The following MED13L variants were observed in gnomAD, a reference collection of about 807,000 sequenced individuals.
MED13L encodes the protein mediator of RNA polymerase II transcription subunit 13-like.
MED13L carries 7 observed loss-of-function variants against 220.9 expected under a neutral mutation model. That is an observed-to-expected ratio of 0.03 (90% CI 0.02 to 0.06). MED13L has a LOEUF of 0.06. Among genes scored for constraint, MED13L ranks in the 10% least tolerant of loss-of-function variants. The pLI is 1.00. For synonymous variants in MED13L, 1,011 were observed against 1,015.2 expected (o/e 1.00, Z 0.08); for missense variants, 1,965 against 2,760.5 (o/e 0.71, Z 6.46).
intron 1 of MED13L, among the ~76,000 whole-genome samples, chr12:116,259,680 TTATC>T (rs2138551999): frequency 6.6e-6 from 1 of 152,258 alleles, no homozygotes; most frequent in Non-Finnish European, 1.5e-5. Context: ...CATGCTCTGT[TTATC>T]TATTCAATAT....
intron 1 of MED13L, among the ~76,000 whole-genome samples, chr12:116,275,655 AT>A (rs1873755999): frequency 6.6e-6 from 1 of 152,204 alleles, no homozygotes; most frequent in Non-Finnish European, 1.5e-5. Flanking sequence ...GTAAACAAGG[AT>A]TAAGAGGGAA....
At chr12:116,124,099 C>T (rs895012050) in intron 2 of MED13L, among the ~76,000 whole-genome samples, 3 of 125,388 alleles carry the variant, frequency 2.4e-5, no homozygotes, top group Non-Finnish European at 5.3e-5. Context: ...GCAAAAATAA[C>T]ATCTGCAGAG....
intron 2 of MED13L, among the ~76,000 whole-genome samples, chr12:116,152,401 G>A (rs946257239): frequency 6.6e-6 from 1 of 152,018 alleles, no homozygotes; most frequent in East Asian, 1.9e-4. Flanking sequence ...TTGGACATAC[G>A]TGATTAAAGC....
chr12:116,233,304 C>T (rs952011830), intron 2 of MED13L, among the ~76,000 whole-genome samples: 3 of 152,058 alleles, frequency 2.0e-5, no homozygotes, highest in Non-Finnish European at 4.4e-5. Context: ...GTATCCTGAA[C>T]AGAATATTTA....
chr12:116,012,342 T>G (rs1879461113), intron 9 of MED13L, among the ~76,000 whole-genome samples: 1 of 152,210 alleles, frequency 6.6e-6, no homozygotes, highest in South Asian at 2.1e-4. Context: ...CTGCAACAGT[T>G]TTAGCTTTTA....
At chr12:116,039,094 CAT>C (rs1881372048) in intron 4 of MED13L, among the ~76,000 whole-genome samples, 2 of 152,180 alleles carry the variant, frequency 1.3e-5, no homozygotes, top group South Asian at 4.1e-4. Context: ...TACTGTATAA[CAT>C]AAAATTATTT....
At chr12:116,224,531 A>T (rs1414790505) in intron 2 of MED13L, among the ~76,000 whole-genome samples, 1 of 152,198 alleles carries the variant, frequency 6.6e-6, no homozygotes, top group Non-Finnish European at 1.5e-5. Context: ...AGCTCCTGAA[A>T]TGCAAAAATG....
intron 2 of MED13L, among the ~76,000 whole-genome samples, chr12:116,168,073 CAT>C (rs1434368030): frequency 3.3e-5 from 5 of 152,172 alleles, no homozygotes; most frequent in Non-Finnish European, 2.9e-5. Flanking sequence ...AGCTAAGCCA[CAT>C]GTGTCAATCC....
intron 7 of MED13L, among the ~76,000 whole-genome samples, chr12:116,015,743 G>A (rs904495851): frequency 2.0e-5 from 3 of 152,208 alleles, no homozygotes; most frequent in East Asian, 1.9e-4. Context: ...TATATCAGCA[G>A]CACACAGTGC....
chr12:116,052,932 C>T (rs2137593098), intron 4 of MED13L, among the ~76,000 whole-genome samples: 1 of 152,238 alleles, frequency 6.6e-6, no homozygotes, highest in South Asian at 2.1e-4. Context: ...TGATGGGCAA[C>T]ATATTAATAG....
rs1034760366 is a variant in MED13L at position 116,009,214 on chromosome 12, AT to A, written c.1281-83del. On this transcript the variant is annotated intron_variant, in intron 9 of 30. Coordinates refer to ENST00000281928, the MANE Select transcript of MED13L (RefSeq NM_015335.5). ...CAAAATTTTGCCTTTTAAAGCATAC[AT>A]TAGATGTACTAATACATATAAAAGG... 2.1e-5 allele frequency: 30 copies of A among 1,411,428 alleles called. 1 individual carries two copies. The African/African-American group carries it at 3.6e-4, about 17-fold the overall frequency. The allele number at this position is 1,411,428 out of a possible 1,614,324, so 87.4% of individuals were successfully genotyped here. A position where few individuals can be genotyped will look rare whatever the true frequency, so the allele number is the denominator to read the frequency against.
chr12:116,002,044 T>G (rs982376782), intron 14 of MED13L, among the ~76,000 whole-genome samples: 5 of 152,248 alleles, frequency 3.3e-5, no homozygotes, highest in African/African-American at 1.2e-4. Context: ...ATTTTAATAC[T>G]GTTTCTTTTA....
chr12:116,139,580 A>C (rs1302738706), intron 2 of MED13L, among the ~76,000 whole-genome samples: 1 of 152,226 alleles, frequency 6.6e-6, no homozygotes, highest in Non-Finnish European at 1.5e-5. Context: ...TATTATTATA[A>C]AAAATATTTT....
At position 116,108,113 on chromosome 12, in the gene MED13L, A is replaced by AC. The variant is rs1016148875; in HGVS notation, c.395+3314_395+3315insG. On this transcript the variant is annotated intron_variant, in intron 3 of 30. Coordinates refer to ENST00000281928, the MANE Select transcript of MED13L (RefSeq NM_015335.5). Reference sequence around the variant, plus strand: ...TCAAAACAAACAAACAAACAAACAAAAAAAAAAAACCCCTCAGTTCTAGCT... The same window carrying AC: ...TCAAAACAAACAAACAAACAAACAAACAAAAAAAAACCCCTCAGTTCTAGCT... Among the ~76,000 whole-genome samples the AC allele has an allele frequency of 4.2e-4, 63 of 151,738 alleles. 1 individual carries two copies. The highest frequency in any genetic ancestry group is 1.3e-3 in the African/African-American group (53 of 41,416).
chr12:116,012,008 G>A (rs1481167457), intron 9 of MED13L, among the ~76,000 whole-genome samples: 2 of 152,120 alleles, frequency 1.3e-5, no homozygotes, highest in Non-Finnish European at 2.9e-5. Flanking sequence ...TTCTAAATAT[G>A]CTTATCTCAC....
rs1877647720 is a variant in MED13L at position 116,147,726 on chromosome 12, GGTATTTACA to G, written c.311-36223_311-36215del. The stretch of plus-strand genomic sequence containing the variant: ...TTCTACCTTACAAGAAGAACGGTTG[GGTATTTACA>G]CTTTTTACAACATTCATCCTTATAT... On this transcript the variant is annotated intron_variant, in intron 2 of 30. Coordinates refer to ENST00000281928, the MANE Select transcript of MED13L (RefSeq NM_015335.5). Among the ~76,000 whole-genome samples the G allele has an allele frequency of 2.0e-5, 3 of 151,490 alleles. No homozygotes were observed. In the South Asian group the frequency reaches 6.2e-4, roughly 32 times the overall value.
intron 2 of MED13L, chr12:116,174,636 A>G (rs1879915845): frequency 6.6e-6 from 1 of 152,198 alleles, no homozygotes; most frequent in South Asian, 2.1e-4. Context: ...ATTGATGCCT[A>G]TGGGATAACT....
chr12:116,194,073 T>C lies in MED13L; in HGVS notation c.310+43395A>G, dbSNP rs1385472254. 2.0e-5 allele frequency among the ~76,000 whole-genome samples: 3 copies of C among 152,190 alleles called. No individual in the cohort carries two copies. The East Asian group carries it at 5.8e-4, about 29-fold the overall frequency. ...ATTTCCTATCTCCAATTTTTAAAGA[T>C]GTAGATGTAAATGACAAAAGAAGAG... is the stretch of plus-strand genomic sequence containing the variant. On this transcript the variant is annotated intron_variant, in intron 2 of 30. Coordinates refer to ENST00000281928, the MANE Select transcript of MED13L (RefSeq NM_015335.5).
chr12:116,119,837 AAATATAT>A (rs1448951247), intron 2 of MED13L, among the ~76,000 whole-genome samples: 3 of 88,616 alleles, frequency 3.4e-5, no homozygotes, highest in Non-Finnish European at 4.7e-5. Flanking sequence ...AAAAAAAAAA[AAATATAT>A]ATATATATAT....
Sources: allele counts gnomAD v4.1 joint callset (sites outside exome capture counted in the v4.1 genomes callset), GRCh38; gene constraint gnomAD v4.1.1; transcripts MANE v1.5; gene names NCBI Gene and HGNC (gene_info 2026-07-23, HGNC 2026-07-21).